LRRC4C: variants seen among roughly 807,000 people sequenced by gnomAD.
The protein encoded by LRRC4C is leucine-rich repeat-containing protein 4C.
Under a neutral mutation model 33.6 loss-of-function variants are expected in LRRC4C, and 5 were observed. That is an observed-to-expected ratio of 0.15 (90% confidence interval 0.08 to 0.31). The LOEUF (loss-of-function observed/expected upper bound fraction) is 0.31. LRRC4C is among the 10% of genes least tolerant of loss of function. The probability of loss-of-function intolerance (pLI) is 1.00; values close to 1 mark genes in which losing one functional copy is unlikely to be tolerated. For missense variants in LRRC4C, 560 were observed against 796.7 expected, an observed-to-expected ratio of 0.70 and a Z score of 3.58; for synonymous variants, 329 against 302.0, an observed-to-expected ratio of 1.09 and a Z score of -0.93.
intron 1 of LRRC4C, among the ~76,000 whole-genome samples, chr11:41,383,867 C>G (rs1027442218): frequency 6.6e-6 from 1 of 151,570 alleles, no homozygotes; most frequent in East Asian, 1.9e-4. Context: ...AGAAAATAGA[C>G]ATGTAACAAG....
At chr11:40,458,739 C>CTAG (rs1412774886) in intron 3 of LRRC4C, among the ~76,000 whole-genome samples, 3 of 152,152 alleles carry the variant, frequency 2.0e-5, no homozygotes, top group African/African-American at 7.2e-5. Context: ...AATTTCAAAT[C>CTAG]ACTTTGGAAA....
At chr11:40,548,407 G>A (rs1042032683) in intron 3 of LRRC4C, among the ~76,000 whole-genome samples, 1 of 152,052 alleles carries the variant, frequency 6.6e-6, no homozygotes, top group Admixed American at 6.6e-5. Context: ...CACATAGAGG[G>A]AAGATGAGGA....
intron 5 of LRRC4C, among the ~76,000 whole-genome samples, chr11:40,229,430 G>T (rs143311386): frequency 0.025 from 3,876 of 152,014 alleles, 70 homozygotes; most frequent in Middle Eastern, 0.041. Flanking sequence ...ATACCACCAG[G>T]TCTGGCTAAT....
At chr11:40,117,086 T>G (rs1171152505) in intron 6 of LRRC4C, among the ~76,000 whole-genome samples, 1 of 152,202 alleles carries the variant, frequency 6.6e-6, no homozygotes, top group East Asian at 1.9e-4. Flanking sequence ...AGAAGTGACA[T>G]TCAAGAAGTC....
Position 40,114,999 on chromosome 11 carries a change from C to T in LRRC4C, c.1294G>A (p.Val432Ile), listed in dbSNP as rs368163511. ...GTGGCTGAAGCAGTAGTATTCCCAA[C>T]GGAATTACTCACCATACATGTGTAC... ...GMYTCMVSNSVGNTTASATLN... is the reference protein window; with the variant it reads ...GMYTCMVSNSIGNTTASATLN... The change falls in exon 7 of 7, where the codon GTT (valine) becomes ATT (isoleucine). Residue 432 changes from valine to isoleucine, a missense_variant. This residue lies in a region of LRRC4C where 455 missense variants were observed against 643.8 expected (regional missense o/e 0.71). Transcript: ENST00000528697. 36 of 1,614,216 alleles carry T rather than the reference C, an allele frequency of 2.2e-5. No individual in the cohort carries two copies. Among genetic ancestry groups the T allele is most frequent in the East Asian group, 1.1e-4 (5 of 44,886 alleles).
intron 1 of LRRC4C, among the ~76,000 whole-genome samples, chr11:41,201,246 C>G: frequency 6.6e-6 from 1 of 152,140 alleles, no homozygotes; most frequent in East Asian, 1.9e-4. Context: ...GTGCAGTGTA[C>G]GAGTCTCTAT....
intron 1 of LRRC4C, among the ~76,000 whole-genome samples, chr11:41,379,606 G>T (rs1385625174): frequency 6.6e-6 from 1 of 151,976 alleles, no homozygotes; most frequent in Non-Finnish European, 1.5e-5. Flanking sequence ...TCCTTCCCTA[G>T]CCTTGAGCCT....
chr11:41,217,867 T>C (rs1947129962), intron 1 of LRRC4C, among the ~76,000 whole-genome samples: 3 of 145,990 alleles, frequency 2.1e-5, no homozygotes, highest in Admixed American at 2.0e-4. Context: ...TTGCATTATG[T>C]TCACACAATA....
rs2953310 is a variant in LRRC4C at position 40,115,993 on chromosome 11, T to C, written c.300A>G (p.Arg100=). Residue 100 remains arginine, a synonymous_variant, in exon 7 of 7, where the codon AGA becomes AGG. Coordinates refer to ENST00000528697, the MANE Select transcript of LRRC4C (RefSeq NM_001258419.2). The surrounding 1 kb of genome is among the most constrained non-coding windows in gnomAD (Gnocchi z 6.7). ...TACTCAACTGTAGGATTTCCAAGTG[T>C]CTCAAGTGCTTGAAGCTGTTCACTT... The part of the protein sequence containing the change: ...IIKVNSFKHL[R]HLEILQLSRN... 677,523 of 1,613,706 alleles carry C rather than the reference T, an allele frequency of 0.42. 147,662 individuals carry two copies. Among genetic ancestry groups the C allele is most frequent in the African/African-American group, 0.66 (49,697 of 74,886 alleles).
intron 3 of LRRC4C, among the ~76,000 whole-genome samples, chr11:40,472,602 A>G (rs577226182): frequency 5.3e-5 from 8 of 151,888 alleles, no homozygotes; most frequent in Admixed American, 1.3e-4. Context: ...ACAAGAAATA[A>G]CTAAGATCAG....
intron 3 of LRRC4C, among the ~76,000 whole-genome samples, chr11:40,438,155 A>G (rs888719955): frequency 1.3e-5 from 2 of 152,098 alleles, no homozygotes; most frequent in Non-Finnish European, 2.9e-5. Context: ...GTTTTTCACC[A>G]CTAGGCATGG....
At chr11:40,494,852 T>G (rs1323904121) in intron 3 of LRRC4C, among the ~76,000 whole-genome samples, 1 of 152,180 alleles carries the variant, frequency 6.6e-6, no homozygotes, top group African/African-American at 2.4e-5. Flanking sequence ...TCCAAATAAG[T>G]ACAAGGAATT....
chr11:41,142,330 T>C (rs954573835), intron 1 of LRRC4C, among the ~76,000 whole-genome samples: 11 of 152,160 alleles, frequency 7.2e-5, no homozygotes, highest in Non-Finnish European at 1.2e-4. Context: ...TGCTCAAACT[T>C]TATAGTAGCA....
intron 4 of LRRC4C, among the ~76,000 whole-genome samples, chr11:40,300,341 A>G (rs759512181): frequency 2.6e-5 from 4 of 152,228 alleles, no homozygotes; most frequent in Admixed American, 6.5e-5. Flanking sequence ...TCAAGGCTTC[A>G]TGAACGTGGA....
At chr11:41,048,806 T>C (rs1565334832) in intron 1 of LRRC4C, among the ~76,000 whole-genome samples, 1 of 152,206 alleles carries the variant, frequency 6.6e-6, no homozygotes. Context: ...CTATAACAGA[T>C]ACTGTGGATA....
chr11:40,583,986 T>C (rs1958590739), intron 3 of LRRC4C, among the ~76,000 whole-genome samples: 1 of 151,344 alleles, frequency 6.6e-6, no homozygotes, highest in African/African-American at 2.4e-5. Flanking sequence ...AAAACAAAAG[T>C]TCTAAAGTCT....
chr11:40,132,876 A>C lies in LRRC4C; in HGVS notation c.-43+7925T>G, dbSNP rs1473550667. On this transcript the variant is annotated intron_variant, in intron 6 of 6. Transcript: ENST00000528697. ...TTTCAGTTTGAAAAATATAGGGGAG[A>C]GAAAAGCGTATAAAAAGGGCTGAGT... Among the ~76,000 whole-genome samples, 13 of 152,242 alleles carry C rather than the reference A, an allele frequency of 8.5e-5. No individual in the cohort carries two copies. In the East Asian group the frequency reaches 2.5e-3, roughly 29 times the overall value.
At chr11:40,432,794 A>T (rs895585121) in intron 3 of LRRC4C, among the ~76,000 whole-genome samples, 1 of 152,184 alleles carries the variant, frequency 6.6e-6, no homozygotes, top group Non-Finnish European at 1.5e-5. Context: ...ATCAAAAATA[A>T]CCTTGATTAA....
At chr11:41,458,548 G>A (rs575986155) in intron 1 of LRRC4C, among the ~76,000 whole-genome samples, 1 of 137,768 alleles carries the variant, frequency 7.3e-6, no homozygotes, top group Admixed American at 7.4e-5. Flanking sequence ...GCGTGGTGGG[G>A]GGGAGGGGGG....
Sources: allele counts gnomAD v4.1 joint callset (sites outside exome capture counted in the v4.1 genomes callset), GRCh38; gene constraint gnomAD v4.1.1; regional missense constraint gnomAD v4.1.1; non-coding constraint Gnocchi (gnomAD v3.1); transcripts MANE v1.5; gene names NCBI Gene and HGNC (gene_info 2026-07-23, HGNC 2026-07-21).